Variants in VIRMA observed in about 807,000 individuals in gnomAD.
The protein encoded by VIRMA is vir like m6A methyltransferase associated.
In VIRMA, 65 loss-of-function variants were observed where a neutral mutation model predicts 182.4. That is an observed-to-expected ratio of 0.36 (90% CI 0.29 to 0.44). The LOEUF (loss-of-function observed/expected upper bound fraction) is 0.44, where lower values mean the gene tolerates loss of function less well. VIRMA is among the 20% of genes least tolerant of loss of function. VIRMA has a pLI of 1.00. For synonymous variants in VIRMA, 709 were observed against 743.1 expected (o/e 0.95, Z 0.75); for missense variants, 1,752 against 2,158.1 (o/e 0.81, Z 3.73).
intron 8 of VIRMA, among the ~76,000 whole-genome samples, chr8:94,524,519 G>A (rs1489870352): frequency 6.6e-6 from 1 of 151,564 alleles, no homozygotes; most frequent in African/African-American, 2.4e-5. Context: ...TGGTCAGGCT[G>A]GTCTCGAACT....
chr8:94,542,885 C>T (rs1052384646), intron 2 of VIRMA, among the ~76,000 whole-genome samples: 2 of 152,122 alleles, frequency 1.3e-5, no homozygotes, highest in African/African-American at 4.8e-5. Context: ...TGTCCCATAA[C>T]ACCCACCACA....
At chr8:94,529,679 G>T (rs551968460) in intron 6 of VIRMA, among the ~76,000 whole-genome samples, 1 of 150,552 alleles carries the variant, frequency 6.6e-6, no homozygotes. Flanking sequence ...TCACTCTGTC[G>T]GCCAGGCTGG....
intron 1 of VIRMA, among the ~76,000 whole-genome samples, chr8:94,552,136 C>A (rs1816010862): frequency 1.3e-5 from 2 of 152,210 alleles, no homozygotes; most frequent in Non-Finnish European, 1.5e-5. Context: ...AGTCATTGAA[C>A]AAACAGTGCT....
intron 20 of VIRMA, among the ~76,000 whole-genome samples, chr8:94,494,303 T>G (rs540244899): frequency 6.6e-6 from 1 of 151,720 alleles, no homozygotes; most frequent in East Asian, 1.9e-4. Context: ...AAAAAAATTT[T>G]TTTTTTGGCT....
At chr8:94,552,776 A>G (rs556125909) in intron 1 of VIRMA, among the ~76,000 whole-genome samples, 3 of 152,330 alleles carry the variant, frequency 2.0e-5, no homozygotes, top group Admixed American at 6.5e-5. Context: ...GAGTTTAACT[A>G]TAATTCTCTC....
intron 3 of VIRMA, among the ~76,000 whole-genome samples, chr8:94,537,704 G>A (rs10089982): frequency 0.04 from 6,074 of 151,810 alleles, 132 homozygotes; most frequent in Non-Finnish European, 0.05. Context: ...GCTGCCTTTA[G>A]TTTTTTTTAT....
chr8:94,514,320 TC>T (rs998685935), intron 11 of VIRMA, among the ~76,000 whole-genome samples: 1 of 152,224 alleles, frequency 6.6e-6, no homozygotes, highest in Non-Finnish European at 1.5e-5. Context: ...GTAATTTTTT[TC>T]ATTATGAATT....
At chr8:94,521,063 T>C (rs548524448) in intron 8 of VIRMA, among the ~76,000 whole-genome samples, 5 of 151,846 alleles carry the variant, frequency 3.3e-5, no homozygotes, top group African/African-American at 1.2e-4. Flanking sequence ...TTAAATTTTT[T>C]AGTTCTGGAG....
At chr8:94,543,347 G>C (rs1815631797) in intron 2 of VIRMA, among the ~76,000 whole-genome samples, 2 of 136,178 alleles carry the variant, frequency 1.5e-5, no homozygotes, top group African/African-American at 5.5e-5. Flanking sequence ...GTTGCAGTGA[G>C]CCAAGATTGC....
intron 20 of VIRMA, among the ~76,000 whole-genome samples, chr8:94,494,588 T>A (rs1456931502): frequency 3.2e-5 from 2 of 63,080 alleles, no homozygotes; most frequent in Non-Finnish European, 2.6e-5. Context: ...TGAGACTCTG[T>A]CTCAAAAAAA....
At chr8:94,513,181 T>C (rs768317720) in intron 11 of VIRMA, among the ~76,000 whole-genome samples, 15 of 152,062 alleles carry the variant, frequency 9.9e-5, no homozygotes, top group Non-Finnish European at 1.6e-4. Context: ...CTACTAAAAA[T>C]ACAAAAATTA....
At chr8:94,502,567 TC>T (rs929011404) in intron 16 of VIRMA, among the ~76,000 whole-genome samples, 2 of 152,096 alleles carry the variant, frequency 1.3e-5, no homozygotes, top group African/African-American at 4.8e-5. Flanking sequence ...TACGTATATT[TC>T]CCAGCTCTAT....
chr8:94,514,831 T>A (rs1230766429), intron 11 of VIRMA, 38 bp downstream of exon 11: 2 of 1,059,038 alleles, frequency 1.9e-6, no homozygotes, highest in East Asian at 4.8e-5. Flanking sequence ...TACCACACAG[T>A]TTCAAAAAGT....
chr8:94,522,100 C>A (rs1814791699), intron 8 of VIRMA, among the ~76,000 whole-genome samples: 1 of 152,174 alleles, frequency 6.6e-6, no homozygotes, highest in African/African-American at 2.4e-5. Context: ...ATAAGATAGG[C>A]AGTGAGTGCC....
chr8:94,499,280 T>TGTGA, intron 17 of VIRMA, 94 bp downstream of exon 17: 1 of 863,376 alleles, frequency 1.2e-6, no homozygotes, highest in Non-Finnish European at 1.7e-6. Flanking sequence ...AGATTACAGA[T>TGTGA]GTGAGCCATC....
intron 16 of VIRMA, among the ~76,000 whole-genome samples, chr8:94,501,255 CAAAAAAAAAAA>C (rs55726504): frequency 2.7e-5 from 2 of 72,864 alleles, no homozygotes; most frequent in Non-Finnish European, 5.0e-5. Context: ...GATTCCATCT[CAAAAAAAAAAA>C]AAAAAAAAAA....
At chr8:94,497,968 C>A (rs188552365) in intron 17 of VIRMA, 35 of 152,440 alleles carry the variant, frequency 2.3e-4, no homozygotes, top group African/African-American at 8.2e-4. Flanking sequence ...GCCATGATCA[C>A]ACCACTGCAC....
At chr8:94,515,286 G>A (rs866593700) in intron 10 of VIRMA, among the ~76,000 whole-genome samples, 4 of 151,846 alleles carry the variant, frequency 2.6e-5, no homozygotes, top group Admixed American at 2.0e-4. Flanking sequence ...TAGCAGAGAC[G>A]GGGTTTCACC....
At chr8:94,524,381 C>T (rs573490251) in intron 8 of VIRMA, among the ~76,000 whole-genome samples, 3 of 151,040 alleles carry the variant, frequency 2.0e-5, no homozygotes, top group East Asian at 2.0e-4. Flanking sequence ...CTTGGCTCAC[C>T]GCATGCTCTA....
Sources: allele counts gnomAD v4.1 joint callset (sites outside exome capture counted in the v4.1 genomes callset), GRCh38; gene constraint gnomAD v4.1.1; transcripts MANE v1.5; gene names NCBI Gene and HGNC (gene_info 2026-07-23, HGNC 2026-07-21).